Variants in NFIA observed in about 807,000 individuals in gnomAD.
NFIA encodes the protein nuclear factor 1 A-type.
In NFIA, 8 loss-of-function variants were observed where a neutral mutation model predicts 62.8. The ratio of observed to expected loss-of-function variants is 0.13; its 90% CI spans 0.07 to 0.23. The LOEUF (loss-of-function observed/expected upper bound fraction) is 0.23, where lower values mean the gene tolerates loss of function less well. Ranked by LOEUF, NFIA falls within the 10% of genes least tolerant of loss-of-function variation. The pLI is 1.00. For missense variants in NFIA, 410 were observed against 642.1 expected (o/e 0.64, Z 3.91); for synonymous variants, 235 against 238.1 (o/e 0.99, Z 0.12).
At chr1:61,437,983 G>T (rs116070222) in intron 10 of NFIA, among the ~76,000 whole-genome samples, 1 of 152,202 alleles carries the variant, frequency 6.6e-6, no homozygotes, top group African/African-American at 2.4e-5. Context: ...TGGGAAGCAG[G>T]TGATGGGCAC....
intron 2 of NFIA, among the ~76,000 whole-genome samples, chr1:61,227,010 G>A (rs921499021): frequency 6.6e-6 from 1 of 152,162 alleles, no homozygotes; most frequent in Non-Finnish European, 1.5e-5. Context: ...TACACTGACC[G>A]GTAACTCTCA....
intron 6 of NFIA, among the ~76,000 whole-genome samples, chr1:61,370,119 C>A (rs1215846566): frequency 1.3e-5 from 2 of 152,198 alleles, no homozygotes; most frequent in African/African-American, 4.8e-5. Context: ...GTGTGTGCAG[C>A]ACGCTGCTGT....
chr1:61,414,718 A>C (rs533942078), intron 9 of NFIA, among the ~76,000 whole-genome samples: 1 of 152,244 alleles, frequency 6.6e-6, no homozygotes, highest in East Asian at 1.9e-4. Context: ...GTCAGAGAAG[A>C]AGCAGTAGAT....
intron 5 of NFIA, 56 bp from the exon 6 acceptor site, chr1:61,359,091 T>A: frequency 6.3e-7 from 1 of 1,597,668 alleles, no homozygotes; most frequent in Non-Finnish European, 8.5e-7. Context: ...AGGTGCAGTG[T>A]CCAAGAGAAA....
chr1:61,246,679 T>C (rs367938658), intron 2 of NFIA, among the ~76,000 whole-genome samples: 1 of 152,206 alleles, frequency 6.6e-6, no homozygotes. Flanking sequence ...ATGACTGATT[T>C]ATGGAGGACA....
chr1:61,192,697 T>G (rs1467865967), intron 2 of NFIA, among the ~76,000 whole-genome samples: 1 of 141,920 alleles, frequency 7.0e-6, no homozygotes, highest in African/African-American at 2.8e-5. Flanking sequence ...AGCGAGACTC[T>G]TGTCTCAAAA....
chr1:61,161,674 G>A (rs1388810624), intron 2 of NFIA, among the ~76,000 whole-genome samples: 1 of 151,880 alleles, frequency 6.6e-6, no homozygotes, highest in Non-Finnish European at 1.5e-5. Context: ...TTATCAGGAT[G>A]TAACTCTGTC....
upstream of NFIA, chr1:61,081,751 C>G: frequency 2.1e-6 from 2 of 934,260 alleles, no homozygotes; most frequent in East Asian, 2.8e-5. Flanking sequence ...TTCCTCACCA[C>G]CCCCGCTTCT....
chr1:61,418,394 A>G (rs1666452917), intron 9 of NFIA, among the ~76,000 whole-genome samples: 1 of 152,148 alleles, frequency 6.6e-6, no homozygotes, highest in Admixed American at 6.5e-5. Context: ...CAGCAGGTCA[A>G]GGCTGCAGTG....
intron 2 of NFIA, among the ~76,000 whole-genome samples, chr1:61,185,929 T>G (rs1438121037): frequency 6.6e-6 from 1 of 152,184 alleles, no homozygotes; most frequent in Non-Finnish European, 1.5e-5. Flanking sequence ...TATTTATTTA[T>G]CTTTTGCACT....
chr1:61,092,076 G>T (rs1168471892), intron 2 of NFIA, among the ~76,000 whole-genome samples: 2 of 152,154 alleles, frequency 1.3e-5, no homozygotes, highest in African/African-American at 4.8e-5. Flanking sequence ...AGGCAGCTGT[G>T]TGGGGACATT....
intron 2 of NFIA, among the ~76,000 whole-genome samples, chr1:61,172,760 A>G (rs1650050722): frequency 6.6e-6 from 1 of 152,224 alleles, no homozygotes; most frequent in South Asian, 2.1e-4. Flanking sequence ...TTATTTTACA[A>G]ACAGTGTCCT....
chr1:61,176,595 A>T (rs1315677023), intron 2 of NFIA, among the ~76,000 whole-genome samples: 1 of 152,098 alleles, frequency 6.6e-6, no homozygotes, highest in East Asian at 1.9e-4. Flanking sequence ...CTTTCTTATT[A>T]TAAATGAGTA....
intron 2 of NFIA, among the ~76,000 whole-genome samples, chr1:61,103,495 T>C (rs1646546468): frequency 6.6e-6 from 1 of 152,160 alleles, no homozygotes; most frequent in Non-Finnish European, 1.5e-5. Flanking sequence ...AAACTATTTG[T>C]CTACATCTGT....
chr1:61,453,261 TCTGGTTGCTCTTA>T (rs1668141060), intron 10 of NFIA, among the ~76,000 whole-genome samples: 1 of 152,076 alleles, frequency 6.6e-6, no homozygotes, highest in Admixed American at 6.5e-5. Context: ...TCTGGGTCTG[TCTGGTTGCTCTTA>T]GCAACCAGAC....
Position 61,325,932 on chromosome 1 carries a change from C to CAAAA in NFIA, c.626-6560_626-6557dup, listed in dbSNP as rs36122626. Among the ~76,000 whole-genome samples, 227 of 87,210 alleles carry CAAAA rather than the reference C, an allele frequency of 2.6e-3. 4 individuals are homozygous for CAAAA. Among genetic ancestry groups the CAAAA allele is most frequent in the Admixed American group, 4.2e-3 (26 of 6,228 alleles). The allele number at this position is 87,210 out of a possible 152,430, so 57.2% of individuals were successfully genotyped here. A position where few individuals can be genotyped will look rare whatever the true frequency, so the allele number is the denominator to read the frequency against. The stretch of plus-strand genomic sequence containing the variant: ...TGGGAGACAGAGCTAGACTCTGTCT[C>CAAAA]AAAAAAAAAAAAAAAAAAAAAAATC... On this transcript the variant is annotated intron_variant, in intron 3 of 10. Transcript: ENST00000403491.
At chr1:61,285,427 A>G (rs1658423779) in intron 3 of NFIA, among the ~76,000 whole-genome samples, 1 of 152,200 alleles carries the variant, frequency 6.6e-6, no homozygotes, top group Admixed American at 6.5e-5. Flanking sequence ...CTATTTGTGG[A>G]TAATATTAGT....
chr1:61,404,366 CGTT>C (rs1665718235), intron 8 of NFIA, 84 bp downstream of exon 8: 4 of 1,339,660 alleles, frequency 3.0e-6, no homozygotes, highest in African/African-American at 1.5e-5. Flanking sequence ...GATCATGTGA[CGTT>C]GTGCTCTAAT....
At chr1:61,262,945 C>T (rs1057215887) in intron 2 of NFIA, among the ~76,000 whole-genome samples, 4 of 152,108 alleles carry the variant, frequency 2.6e-5, no homozygotes, top group African/African-American at 7.2e-5. Flanking sequence ...GACACCTTGC[C>T]GCATATTGTT....
Sources: gnomAD v4.1 joint callset for allele counts (sites outside exome capture counted in the v4.1 genomes callset) on GRCh38, gnomAD v4.1.1 for gene constraint, MANE v1.5 for transcripts, NCBI Gene and HGNC (gene_info 2026-07-23, HGNC 2026-07-21) for gene names.